TP63: variants seen among roughly 807,000 people sequenced by gnomAD.
TP63 encodes tumor protein p63.
In TP63, 17 loss-of-function variants were observed where a neutral mutation model predicts 82.8. The ratio of observed to expected loss-of-function variants is 0.21; its 90% CI spans 0.14 to 0.31. The LOEUF (loss-of-function observed/expected upper bound fraction) is 0.31, where lower values mean the gene tolerates loss of function less well. Ranked by LOEUF, TP63 falls within the 10% of genes least tolerant of loss-of-function variation. The probability of loss-of-function intolerance (pLI) is 1.00; values close to 1 mark genes in which losing one functional copy is unlikely to be tolerated. For synonymous variants in TP63, 330 were observed against 321.7 expected, an observed-to-expected ratio of 1.03 and a Z score of -0.28; for missense variants, 648 against 895.3, an observed-to-expected ratio of 0.72 and a Z score of 3.52.
chr3:189,680,580 A>G (rs1715820823), intron 1 of TP63, among the ~76,000 whole-genome samples: 1 of 152,188 alleles, frequency 6.6e-6, no homozygotes. Flanking sequence ...AAAGCATCAT[A>G]CACCATGATC....
intron 1 of TP63, among the ~76,000 whole-genome samples, chr3:189,678,708 A>G (rs1303842377): frequency 6.6e-6 from 1 of 151,998 alleles, no homozygotes; most frequent in African/African-American, 2.4e-5. Flanking sequence ...GATTCTTCTA[A>G]TCCATGAGCA....
At chr3:189,738,217 A>G (rs1176796967) in intron 2 of TP63, among the ~76,000 whole-genome samples, 2 of 152,146 alleles carry the variant, frequency 1.3e-5, no homozygotes, top group Non-Finnish European at 2.9e-5. Context: ...AAAACACTAA[A>G]TTTTGTTGTT....
chr3:189,662,934 T>C (rs1714052459), intron 1 of TP63, among the ~76,000 whole-genome samples: 1 of 152,120 alleles, frequency 6.6e-6, no homozygotes, highest in Non-Finnish European at 1.5e-5. Context: ...CTGGGACTTA[T>C]TTTTGTTTCT....
At chr3:189,805,512 T>C (rs1020333768) in intron 3 of TP63, among the ~76,000 whole-genome samples, 3 of 152,238 alleles carry the variant, frequency 2.0e-5, no homozygotes, top group African/African-American at 7.2e-5. Flanking sequence ...ACTGGTGAAG[T>C]CCTAGGATAA....
At chr3:189,678,222 A>G (rs775311824) in intron 1 of TP63, among the ~76,000 whole-genome samples, 28 of 152,118 alleles carry the variant, frequency 1.8e-4, no homozygotes, top group Middle Eastern at 3.4e-3. Flanking sequence ...TCTACAGTTT[A>G]AGGTTTTACA....
At chr3:189,861,878 C>G (rs1179846921) in intron 4 of TP63, among the ~76,000 whole-genome samples, 1 of 152,056 alleles carries the variant, frequency 6.6e-6, no homozygotes, top group African/African-American at 2.4e-5. Flanking sequence ...TTGGGCAAGT[C>G]CTTTCTGTAC....
chr3:189,670,185 G>GACT (rs1353824625), intron 1 of TP63, among the ~76,000 whole-genome samples: 1 of 151,986 alleles, frequency 6.6e-6, no homozygotes. Flanking sequence ...AAGAATTGAA[G>GACT]ACTGACACAT....
Position 189,631,460 on chromosome 3 carries a change from G to A in TP63, c.-56G>A. On this transcript the variant is annotated 5_prime_UTR_variant, in exon 1 of 14. The change creates a new upstream start codon in the 5' untranslated region. Coordinates refer to ENST00000264731, the MANE Select transcript of TP63 (RefSeq NM_003722.5). Reference sequence around the variant, plus strand: ...TATATCTATATATACACAGGTATATGTGTATATTTTATATAATTGTTCTCC... The same window carrying A: ...TATATCTATATATACACAGGTATATATGTATATTTTATATAATTGTTCTCC... 6.2e-7 allele frequency: 1 copy of A among 1,609,984 alleles called. No individual in the cohort carries two copies. Among genetic ancestry groups the A allele is most frequent in the Admixed American group, 1.7e-5 (1 of 59,824 alleles).
intron 9 of TP63, among the ~76,000 whole-genome samples, chr3:189,872,481 T>C (rs961291056): frequency 4.0e-5 from 6 of 151,780 alleles, no homozygotes; most frequent in Admixed American, 2.0e-4. Flanking sequence ...TTAGGGACAC[T>C]AGATAGCACT....
intron 3 of TP63, among the ~76,000 whole-genome samples, chr3:189,778,984 C>T (rs185456396): frequency 1.3e-4 from 20 of 151,976 alleles, no homozygotes; most frequent in African/African-American, 4.6e-4. Context: ...TCCCATAGCT[C>T]GTGTGTGTGT....
At chr3:189,839,072 A>T (rs1018388617) in intron 4 of TP63, among the ~76,000 whole-genome samples, 1 of 151,418 alleles carries the variant, frequency 6.6e-6, no homozygotes, top group African/African-American at 2.4e-5. Flanking sequence ...AAAGAAAAAG[A>T]AAAAGTAGAT....
At chr3:189,626,858 G>T (rs563532476), upstream of TP63, among the ~76,000 whole-genome samples, 2,054 of 151,860 alleles carry the variant, frequency 0.014, 24 homozygotes, top group East Asian at 0.045. Flanking sequence ...GAGATGTGTG[G>T]TTTTTTTTCC....
At chr3:189,637,648 T>C (rs1420182828) in intron 1 of TP63, among the ~76,000 whole-genome samples, 2 of 152,170 alleles carry the variant, frequency 1.3e-5, no homozygotes, top group African/African-American at 4.8e-5. Context: ...TAGATGTGTA[T>C]AAAATTTTAC....
chr3:189,869,431 G>T (rs1221881900), intron 9 of TP63, 25 bp downstream of exon 9: 4 of 1,603,282 alleles, frequency 2.5e-6, no homozygotes, highest in African/African-American at 2.7e-5. Context: ...GGTGTTCATG[G>T]TTGCTTCATT....
chr3:189,888,656 A>G (rs771466300), intron 11 of TP63, among the ~76,000 whole-genome samples: 7 of 152,192 alleles, frequency 4.6e-5, no homozygotes, highest in Non-Finnish European at 8.8e-5. Context: ...ATAAATATTG[A>G]TATTAAACTT....
intron 13 of TP63, 129 bp downstream of exon 13, chr3:189,891,011 A>G (rs1720962560): frequency 1.3e-6 from 1 of 789,912 alleles, no homozygotes; most frequent in African/African-American, 1.7e-5. Flanking sequence ...ATCCATTTTG[A>G]TAGAACCCAT....
At chr3:189,867,492 G>T (rs1374055178) in intron 6 of TP63, among the ~76,000 whole-genome samples, 2 of 152,122 alleles carry the variant, frequency 1.3e-5, no homozygotes, top group Non-Finnish European at 2.9e-5. Context: ...ACTGTTTTTG[G>T]CAATTATCCC....
rs114399675 is a variant in TP63, at chr3:189,717,131, A to G, written c.63-20609A>G. On this transcript the variant is annotated intron_variant, in intron 1 of 13. Transcript: ENST00000264731. ...ACTTTCTATCTAATTCACACTATCA[A>G]TTGCAACAACTGAAATATCAACATA... is the stretch of plus-strand genomic sequence containing the variant. Among the ~76,000 whole-genome samples, 1,056 of 152,184 alleles carry G rather than the reference A, an allele frequency of 6.9e-3. 13 individuals carry two copies. Among genetic ancestry groups the G allele is most frequent in the African/African-American group, 0.023 (938 of 41,518 alleles).
rs543949525 is a variant in TP63 at position 189,668,221 on chromosome 3, T to G, written c.62+36644T>G. On this transcript the variant is annotated intron_variant, in intron 1 of 13. Transcript: ENST00000264731. ...ACTTATTTGAACAAAAATCAGCAAT[T>G]TTCTGGAAAAAAAAATCCAAAATCC... is the stretch of plus-strand genomic sequence containing the variant. Among the ~76,000 whole-genome samples, 71 of 151,730 alleles carry G rather than the reference T, an allele frequency of 4.7e-4. 2 individuals are homozygous for G. The South Asian group carries it at 8.3e-3, about 18-fold the overall frequency.
Sources: allele counts gnomAD v4.1 joint callset (sites outside exome capture counted in the v4.1 genomes callset), GRCh38; gene constraint gnomAD v4.1.1; transcripts MANE v1.5; gene names NCBI Gene and HGNC (gene_info 2026-07-23, HGNC 2026-07-21).